The following ZNF878 variants were observed in gnomAD, a reference collection of about 807,000 sequenced individuals.
The protein encoded by ZNF878 is zinc finger protein 878.
A neutral mutation model predicts 11.1 loss-of-function variants in ZNF878; 10 were observed. The observed-to-expected ratio is 0.90, with a 90% CI of 0.56 to 1.53. The LOEUF (loss-of-function observed/expected upper bound fraction) is 1.53, where lower values mean the gene tolerates loss of function less well. Among genes scored for constraint, ZNF878 ranks in the 40% most tolerant of loss-of-function variants. The pLI, the probability that ZNF878 is intolerant of heterozygous loss-of-function variation, is 0.00. For missense variants in ZNF878, 548 were observed against 626.1 expected (o/e 0.88, Z 1.33); for synonymous variants, 165 against 209.7 (o/e 0.79, Z 1.84).
At chr19:12,051,122 A>T (rs553168561) in intron 1 of ZNF878, among the ~76,000 whole-genome samples, 28 of 146,228 alleles carry the variant, frequency 1.9e-4, no homozygotes, top group Admixed American at 4.1e-4. Flanking sequence ...AAAAAAAGAA[A>T]AGAAAAGAAA....
chr19:12,048,569 C>T (rs1975518443), intron 1 of ZNF878, among the ~76,000 whole-genome samples: 1 of 151,108 alleles, frequency 6.6e-6, no homozygotes, highest in East Asian at 1.9e-4. Flanking sequence ...CACAGTGGCT[C>T]ACACCTGTAA....
chr19:12,050,885 G>T (rs867159324), intron 1 of ZNF878, among the ~76,000 whole-genome samples: 10 of 151,776 alleles, frequency 6.6e-5, no homozygotes, highest in Non-Finnish European at 2.9e-5. Context: ...ACGAGGTCAG[G>T]AGATCGAGAC....
At chr19:12,052,233 C>A (rs896756774) in intron 1 of ZNF878, among the ~76,000 whole-genome samples, 18 of 152,298 alleles carry the variant, frequency 1.2e-4, no homozygotes, top group African/African-American at 4.3e-4. Flanking sequence ...CTCCAGACTT[C>A]GCGGGGTTGT....
chr19:12,052,181 T>A (rs1339287665), intron 1 of ZNF878, among the ~76,000 whole-genome samples: 1 of 152,146 alleles, frequency 6.6e-6, no homozygotes, highest in Non-Finnish European at 1.5e-5. Context: ...CTCCCTGAAA[T>A]GAATAAAACC....
At chr19:12,046,870 A>AT (rs1975497321) in intron 1 of ZNF878, 110 bp from the exon 2 acceptor site, 1 of 1,473,324 alleles carries the variant, frequency 6.8e-7, no homozygotes, top group Admixed American at 2.2e-5. Flanking sequence ...GACTCCAAAC[A>AT]TTTATTCCAT....
chr19:12,046,363 G>C lies in ZNF878; in HGVS notation c.191+5C>G, dbSNP rs749744118. 1 of 1,559,778 alleles carries C rather than the reference G, an allele frequency of 6.4e-7. No individual in the cohort carries two copies. The highest frequency in any genetic ancestry group is 1.2e-5 in the South Asian group (1 of 83,886). The stretch of plus-strand genomic sequence containing the variant: ...ACATTGTTTTCTCTTTTAAGTGCCA[G>C]TTACCTTAGGTTTCTCCTAGGATTT... On this transcript the variant is annotated splice_donor_5th_base_variant and intron_variant, in intron 3 of 3. Transcript: ENST00000547628.
intron 1 of ZNF878, 140 bp from the exon 2 acceptor site, chr19:12,046,900 T>C (rs1034324188): frequency 2.3e-6 from 3 of 1,284,648 alleles, no homozygotes; most frequent in Non-Finnish European, 3.2e-6. Flanking sequence ...ATCAGATCCC[T>C]TACTCTGTCT....
chr19:12,052,650 G>A (rs182179535), intron 1 of ZNF878, 149 bp downstream of exon 1: 6 of 974,534 alleles, frequency 6.2e-6, no homozygotes, highest in East Asian at 3.2e-5. Context: ...CCCAGCGGCC[G>A]AGGGGACCGA....
At position 12,044,875 on chromosome 19, in the gene ZNF878, A is replaced by G; in HGVS notation, c.526T>C (p.Cys176Arg). The G allele has an allele frequency of 6.2e-7, 1 of 1,614,144 alleles. No individual in the cohort carries two copies. Among genetic ancestry groups the G allele is most frequent in the Admixed American group, 1.7e-5 (1 of 60,016 alleles). ...CTGGGAAAACTGAATGCTTTCCCACACTGCTTACATTCATAGGGTTTTTTT... is the reference window on the plus strand; with the variant it reads ...CTGGGAAAACTGAATGCTTTCCCACGCTGCTTACATTCATAGGGTTTTTTT... ...SAKKPYECKQ[C>R]GKAFSFPSSV... The change falls in exon 4 of 4, where the codon TGT becomes CGT. Residue 176 changes from cysteine to arginine, a missense_variant. Coordinates refer to ENST00000547628, the MANE Select transcript of ZNF878 (RefSeq NM_001080404.3).
chr19:12,047,727 G>A (rs1285352606), intron 1 of ZNF878, among the ~76,000 whole-genome samples: 1 of 152,148 alleles, frequency 6.6e-6, no homozygotes, highest in Non-Finnish European at 1.5e-5. Context: ...GGAGGCCAAG[G>A]CGGGCAGATC....
rs193206777 is a variant in ZNF878 at position 12,047,883 on chromosome 19, G to A, written c.4-1123C>T. ...GGTTGATCCATACATACACTCTACT[G>A]GCATTATCTTTCAAATTGGAATTTA... On this transcript the variant is annotated intron_variant, in intron 1 of 3. Transcript: ENST00000547628. Among the ~76,000 whole-genome samples the A allele has an allele frequency of 1.2e-3, 188 of 152,212 alleles. 1 individual carries two copies. Among genetic ancestry groups the A allele is most frequent in the African/African-American group, 3.1e-3 (130 of 41,524 alleles).
intron 3 of ZNF878, among the ~76,000 whole-genome samples, chr19:12,045,617 A>C (rs1333404930): frequency 6.6e-6 from 1 of 151,076 alleles, no homozygotes; most frequent in Admixed American, 6.6e-5. Flanking sequence ...GCTGCACTCC[A>C]GCCTGGGTGA....
At chr19:12,043,760 G>A (rs1227041339), downstream of ZNF878, 5 of 1,502,244 alleles carry the variant, frequency 3.3e-6, no homozygotes, top group Admixed American at 1.1e-4. Context: ...GAAGTTCTGA[G>A]TCCCATCTAA....
chr19:12,052,136 C>G (rs1293319007), intron 1 of ZNF878, among the ~76,000 whole-genome samples: 2 of 152,156 alleles, frequency 1.3e-5, no homozygotes, highest in African/African-American at 4.8e-5. Context: ...TTACACCTTC[C>G]CGGCACTGAT....
At position 12,044,101 on chromosome 19, in the gene ZNF878, C is replaced by A. The variant is rs185234352; in HGVS notation, c.1300G>T (p.Val434Phe). Residue 434 changes from valine to phenylalanine, a missense_variant, in exon 4 of 4, where the codon GTT becomes TTT. Transcript: ENST00000547628. ...TCATGCATTTTAAGTTGTGAGGCAACTCTAAAGACTTTACCACATTGCTTA... is the reference window on the plus strand; with the variant it reads ...TCATGCATTTTAAGTTGTGAGGCAAATCTAAAGACTTTACCACATTGCTTA... ...GCKQCGKVFR[V>F]ASQLKMHERT... 1.7e-5 allele frequency: 27 copies of A among 1,605,146 alleles called. No individual in the cohort carries two copies. In the East Asian group the frequency reaches 6.1e-4, roughly 36 times the overall value.
At chr19:12,050,194 C>T (rs1342083231) in intron 1 of ZNF878, among the ~76,000 whole-genome samples, 2 of 152,134 alleles carry the variant, frequency 1.3e-5, no homozygotes, top group African/African-American at 2.4e-5. Context: ...CAGTGCACTC[C>T]AGCCTGGGCG....
At chr19:12,046,804 A>G (rs1216639378) in intron 1 of ZNF878, 44 bp from the exon 2 acceptor site, 13 of 1,611,306 alleles carry the variant, frequency 8.1e-6, no homozygotes, top group Admixed American at 1.7e-5. Context: ...TGAGGCTGAC[A>G]GCACTGGGTT....
chr19:12,046,059 T>A (rs1975482508), intron 3 of ZNF878: 4 of 286,664 alleles, frequency 1.4e-5, no homozygotes, highest in Non-Finnish European at 2.6e-5. Flanking sequence ...ATAAATACGG[T>A]CTTTGTCTTT....
intron 1 of ZNF878, among the ~76,000 whole-genome samples, chr19:12,048,832 CAAA>C (rs561825894): frequency 5.8e-5 from 5 of 86,360 alleles, no homozygotes; most frequent in Non-Finnish European, 8.0e-5. Flanking sequence ...GACTCTGTCT[CAAA>C]AAAAAAAAAA....
Sources: gnomAD v4.1 joint callset for allele counts (sites outside exome capture counted in the v4.1 genomes callset) on GRCh38, gnomAD v4.1.1 for gene constraint, MANE v1.5 for transcripts, NCBI Gene and HGNC (gene_info 2026-07-23, HGNC 2026-07-21) for gene names.